The following ATP2B2 variants were observed in gnomAD, a reference collection of about 807,000 sequenced individuals.
ATP2B2 encodes the protein plasma membrane calcium-transporting ATPase 2.
A neutral mutation model predicts 120.0 loss-of-function variants in ATP2B2; 15 were observed. The ratio of observed to expected loss-of-function variants is 0.12; its 90% CI spans 0.08 to 0.19. The LOEUF (loss-of-function observed/expected upper bound fraction) is 0.19, where lower values mean the gene tolerates loss of function less well. Among genes scored for constraint, ATP2B2 ranks in the 10% least tolerant of loss-of-function variants. The probability of loss-of-function intolerance (pLI) is 1.00; values close to 1 mark genes in which losing one functional copy is unlikely to be tolerated. For missense variants in ATP2B2, 1,045 were observed against 1,719.8 expected, an observed-to-expected ratio of 0.61 and a Z score of 6.94; for synonymous variants, 694 against 700.3, an observed-to-expected ratio of 0.99 and a Z score of 0.14.
In ATP2B2 at chr3:10,328,927, T is replaced by C. The variant is rs1257045285; in HGVS notation, c.3619A>G (p.Asn1207Asp). 2 of 1,613,916 alleles carry C rather than the reference T, an allele frequency of 1.2e-6. No homozygotes were observed. The highest frequency in any genetic ancestry group is 1.7e-6 in the Non-Finnish European group (2 of 1,179,974). ...KQNSSPPSSLNKNNSAIDSGI... is the reference protein window; with the variant it reads ...KQNSSPPSSLDKNNSAIDSGI... ...CTGTCGATGGCGCTGTTGTTCTTGT[T>C]GAGGGATGACGGCGGGCTCGAGTTC... Residue 1207 changes from asparagine (N) to aspartate (D), a missense_variant, in exon 23 of 23, where the codon AAC (asparagine) becomes GAC (aspartate). Physicochemically the swap from Asn to Asp is conservative, Grantham distance 23. Coordinates refer to ENST00000360273, the MANE Select transcript of ATP2B2 (RefSeq NM_001001331.4).
intron 1 of ATP2B2, chr3:10,626,243 A>G (rs1398090168): frequency 6.6e-6 from 1 of 152,228 alleles, no homozygotes; most frequent in Non-Finnish European, 1.5e-5. Flanking sequence ...TCGTTATAAA[A>G]GACTGAGACA....
Position 10,449,462 on chromosome 3 carries a change from T to A in ATP2B2, c.82A>T (p.Met28Leu), listed in dbSNP as rs376205166. Residue 28 changes from methionine to leucine, a missense_variant, in exon 2 of 23, where the codon ATG becomes TTG. By Grantham distance (15) the Met-to-Leu change is conservative. Transcript: ENST00000360273. ...SSHGGEFGCT[M>L]EELRSLMELR... ...TCCATGAGGGAGCGGAGCTCCTCCA[T>A]TGTGCACCCGAACTCGCCCCCATGG... is the stretch of plus-strand genomic sequence containing the variant. 9.3e-6 allele frequency: 15 copies of A among 1,614,242 alleles called. No homozygotes were observed. Among genetic ancestry groups the A allele is most frequent in the Non-Finnish European group, 1.3e-5 (15 of 1,180,046 alleles).
At chr3:10,359,823 T>A in intron 13 of ATP2B2, 59 bp downstream of exon 13, 2 of 1,611,212 alleles carry the variant, frequency 1.2e-6, no homozygotes, top group African/African-American at 2.7e-5. Flanking sequence ...GACCCTGACA[T>A]CCCCAGCTCC....
intron 2 of ATP2B2, among the ~76,000 whole-genome samples, chr3:10,575,736 C>G (rs1274335943): frequency 6.6e-6 from 1 of 152,090 alleles, no homozygotes; most frequent in Non-Finnish European, 1.5e-5. Flanking sequence ...GGCTGGCAGC[C>G]CTCTGTTGTC....
intron 16 of ATP2B2, among the ~76,000 whole-genome samples, chr3:10,349,745 T>C (rs1242345421): frequency 1.3e-5 from 2 of 151,716 alleles, no homozygotes; most frequent in Non-Finnish European, 2.9e-5. Flanking sequence ...ATGTCAAAGG[T>C]GAGAGAGCAG....
At chr3:10,620,634 C>A (rs58565739) in intron 1 of ATP2B2, among the ~76,000 whole-genome samples, 23,149 of 152,096 alleles carry the variant, frequency 0.15, 1,850 homozygotes, top group Middle Eastern at 0.24. Context: ...CTGTGCAGAG[C>A]AGATGCTTGA....
chr3:10,528,661 T>C (rs188371109), intron 3 of ATP2B2, among the ~76,000 whole-genome samples: 72 of 150,150 alleles, frequency 4.8e-4, no homozygotes, highest in African/African-American at 1.8e-3. Flanking sequence ...CACCCCTGAA[T>C]ATATTTTTCA....
At chr3:10,675,372 A>T (rs1252756508) in intron 1 of ATP2B2, among the ~76,000 whole-genome samples, 1 of 152,190 alleles carries the variant, frequency 6.6e-6, no homozygotes, top group Non-Finnish European at 1.5e-5. Flanking sequence ...GCCTTCTTTC[A>T]TTCACCATGA....
intron 2 of ATP2B2, among the ~76,000 whole-genome samples, chr3:10,436,873 C>CA (rs2063496280): frequency 6.6e-6 from 1 of 152,106 alleles, no homozygotes; most frequent in African/African-American, 2.4e-5. Context: ...CTGCCAGCCC[C>CA]TTTCCCCTTG....
chr3:10,695,214 T>C (rs1351976453), intron 1 of ATP2B2, among the ~76,000 whole-genome samples: 1 of 140,432 alleles, frequency 7.1e-6, no homozygotes, highest in African/African-American at 2.9e-5. Context: ...GTAAGGCACA[T>C]CTTACATGGA....
intron 5 of ATP2B2, among the ~76,000 whole-genome samples, chr3:10,397,129 G>T (rs1036952016): frequency 9.2e-5 from 14 of 152,256 alleles, no homozygotes; most frequent in Non-Finnish European, 2.9e-5. Flanking sequence ...GTTCAGCTCA[G>T]CCTGACACTC....
At chr3:10,524,810 A>AGAC (rs1299641993) in intron 3 of ATP2B2, among the ~76,000 whole-genome samples, 2 of 152,140 alleles carry the variant, frequency 1.3e-5, no homozygotes, top group African/African-American at 4.8e-5. Context: ...GACCCTGGCC[A>AGAC]TCTGTTTGCA....
rs1658719 is a variant in ATP2B2, at chr3:10,356,155, C to T, written c.2136+2536G>A. Among the ~76,000 whole-genome samples the T allele has an allele frequency of 0.077, 2,041 of 26,486 alleles. 445 individuals carry two copies. In the East Asian group the frequency reaches 0.91, roughly 12 times the overall value. The allele number at this position is 26,486 out of a possible 152,430, so 17.4% of individuals were successfully genotyped here. On this transcript the variant is annotated intron_variant, in intron 14 of 22. Transcript: ENST00000360273. ...TTGTCCTTTCCTTTGTGCGTGTGTGCGTGTGTGTGTGTGTGTGTGTGTGTG... is the reference window on the plus strand; with the variant it reads ...TTGTCCTTTCCTTTGTGCGTGTGTGTGTGTGTGTGTGTGTGTGTGTGTGTG...
intron 1 of ATP2B2, 77 bp from the exon 2 acceptor site, chr3:10,449,939 A>C: frequency 2.8e-6 from 1 of 351,564 alleles, no homozygotes; most frequent in African/African-American, 2.1e-5. Context: ...GGAAGGCCCC[A>C]GGCACACGCA....
chr3:10,476,936 G>C (rs1299033137), intron 1 of ATP2B2, among the ~76,000 whole-genome samples: 6 of 152,204 alleles, frequency 3.9e-5, no homozygotes, highest in African/African-American at 7.2e-5. Flanking sequence ...GAAGTACTCA[G>C]AGGCTCATCT....
At chr3:10,631,051 A>G (rs2069850468) in intron 1 of ATP2B2, among the ~76,000 whole-genome samples, 1 of 152,222 alleles carries the variant, frequency 6.6e-6, no homozygotes, top group African/African-American at 2.4e-5. Context: ...GAGCCACACA[A>G]CTTGGTTTGC....
intron 2 of ATP2B2, among the ~76,000 whole-genome samples, chr3:10,605,040 C>A (rs189420402): frequency 1.3e-5 from 2 of 152,324 alleles, no homozygotes; most frequent in African/African-American, 4.8e-5. Flanking sequence ...CCTTCTGTGT[C>A]CCCACTGTAC....
In ATP2B2 at chr3:10,706,389, T is replaced by A. The variant is rs190823062; in HGVS notation, c.-460+1526A>T. On this transcript the variant is annotated intron_variant, in intron 1 of 21. Transcript: ENST00000646379. ...CTGGCGCCATGGCTGGGTTTTGTCGTCATTTCCGTTAGACATCAGGTATTG... is the reference window on the plus strand; with the variant it reads ...CTGGCGCCATGGCTGGGTTTTGTCGACATTTCCGTTAGACATCAGGTATTG... Among the ~76,000 whole-genome samples, 47 of 152,302 alleles carry A rather than the reference T, an allele frequency of 3.1e-4. No homozygotes were observed. In the South Asian group the frequency reaches 6.4e-3, roughly 21 times the overall value.
Position 10,329,868 on chromosome 3 carries a change from A to C in ATP2B2, c.3421-743T>G, listed in dbSNP as rs1301393015. ...CCACATGGCACACACAGACAGACAC[A>C]CGGCTACACTTGGAAGCCTGGACAA... On this transcript the variant is annotated intron_variant, in intron 22 of 22. Transcript: ENST00000360273. This position sits in a 1 kb window ranked among gnomAD's most constrained non-coding sequence, Gnocchi z 5.9. Among the ~76,000 whole-genome samples the C allele has an allele frequency of 1.3e-5, 2 of 152,182 alleles. No homozygotes were observed. The highest frequency in any genetic ancestry group is 1.3e-4 in the Admixed American group (2 of 15,284).
Sources: gnomAD v4.1 joint callset for allele counts (sites outside exome capture counted in the v4.1 genomes callset) on GRCh38, gnomAD v4.1.1 for gene constraint, Gnocchi (gnomAD v3.1) non-coding constraint, MANE v1.5 for transcripts, NCBI Gene and HGNC (gene_info 2026-07-23, HGNC 2026-07-21) for gene names.